The following CNTN4 variants were observed in gnomAD, a reference collection of about 807,000 sequenced individuals.
The protein encoded by CNTN4 is contactin-4.
In CNTN4, 77 loss-of-function variants were observed where a neutral mutation model predicts 122.5. That is an observed-to-expected ratio of 0.63 (90% CI 0.52 to 0.76). The LOEUF (loss-of-function observed/expected upper bound fraction) is 0.76. CNTN4 is among the 30% of genes least tolerant of loss of function. CNTN4 has a pLI of 0.00. For missense variants in CNTN4, 1,256 were observed against 1,259.1 expected (o/e 1.00, Z 0.04); for synonymous variants, 512 against 447.0 (o/e 1.15, Z -1.83).
chr3:2,159,265 AAAT>A (rs1360685764), intron 2 of CNTN4, among the ~76,000 whole-genome samples: 2 of 152,232 alleles, frequency 1.3e-5, no homozygotes, highest in African/African-American at 2.4e-5. Context: ...TTGTAAAAGA[AAAT>A]AATAAGCCCC....
Position 2,955,441 on chromosome 3 carries a change from G to T in CNTN4, c.1358+29662G>T, listed in dbSNP as rs138499113. On this transcript the variant is annotated intron_variant, in intron 13 of 24. Transcript: ENST00000418658. ...ACCATGTTGACTCTGTTCTCAGACA[G>T]GTGTCATCCTCATTACCACAAAATG... 3.2e-3 allele frequency among the ~76,000 whole-genome samples: 481 copies of T among 152,226 alleles called. 4 individuals are homozygous for T. Among genetic ancestry groups the T allele is most frequent in the African/African-American group, 0.01 (419 of 41,524 alleles).
At position 2,742,254 on chromosome 3, in the gene CNTN4, C is replaced by G. The variant is rs535849098; in HGVS notation, c.183-3268C>G. ...TTTGTGTTTATTCCCTCAACTGAGC[C>G]TTCTCTTTTCATTGTTTCCTGCCCC... On this transcript the variant is annotated intron_variant, in intron 5 of 24. Transcript: ENST00000418658. Among the ~76,000 whole-genome samples the G allele has an allele frequency of 4.1e-4, 63 of 152,308 alleles. 2 individuals are homozygous for G. The South Asian group carries it at 0.013, about 31-fold the overall frequency.
intron 6 of CNTN4, among the ~76,000 whole-genome samples, chr3:2,776,166 A>C (rs1045848054): frequency 2.0e-5 from 3 of 152,048 alleles, no homozygotes; most frequent in African/African-American, 7.2e-5. Flanking sequence ...GGGAGATTTG[A>C]GGGCCCCTCT....
intron 2 of CNTN4, among the ~76,000 whole-genome samples, chr3:2,319,348 T>A (rs1006677449): frequency 2.6e-5 from 4 of 152,158 alleles, no homozygotes; most frequent in African/African-American, 9.7e-5. Context: ...ATTTTTAAAA[T>A]CTGAAAGCCA....
At chr3:3,013,467 C>T (rs1316960252) in intron 14 of CNTN4, among the ~76,000 whole-genome samples, 1 of 152,078 alleles carries the variant, frequency 6.6e-6, no homozygotes, top group African/African-American at 2.4e-5. Context: ...GGCTGATTTC[C>T]AGTGAACGGA....
At chr3:2,313,543 C>G (rs1402021362) in intron 2 of CNTN4, among the ~76,000 whole-genome samples, 2 of 151,908 alleles carry the variant, frequency 1.3e-5, no homozygotes, top group African/African-American at 4.8e-5. Context: ...TACCAAGCAG[C>G]ATAATTTTAA....
chr3:2,935,094 A>T (rs1454081281), intron 13 of CNTN4, among the ~76,000 whole-genome samples: 1 of 152,210 alleles, frequency 6.6e-6, no homozygotes, highest in Non-Finnish European at 1.5e-5. Context: ...GGGAGACCCC[A>T]TAAACTTACC....
At chr3:2,729,998 G>C (rs1357731068) in intron 4 of CNTN4, among the ~76,000 whole-genome samples, 1 of 152,164 alleles carries the variant, frequency 6.6e-6, no homozygotes, top group Non-Finnish European at 1.5e-5. Flanking sequence ...CTGATAATTA[G>C]AATCCAGTAG....
chr3:2,474,089 G>C (rs1262065455), intron 3 of CNTN4, among the ~76,000 whole-genome samples: 1 of 151,456 alleles, frequency 6.6e-6, no homozygotes, highest in African/African-American at 2.4e-5. Context: ...TTCTGGGACT[G>C]TCTGCCGGGG....
At chr3:2,570,874 A>G (rs1559249974) in intron 3 of CNTN4, among the ~76,000 whole-genome samples, 2 of 152,180 alleles carry the variant, frequency 1.3e-5, no homozygotes, top group Non-Finnish European at 2.9e-5. Flanking sequence ...CTCATTAGAC[A>G]CTGGAGCTGC....
rs139410836 is a variant in CNTN4 at position 2,139,970 on chromosome 3, G to A, written c.-145+39331G>A. ...TGTCATGGGGGGCACCCAGTGGGAG[G>A]TGATTGAATCATGGACACAGGTCTT... is the stretch of plus-strand genomic sequence containing the variant. On this transcript the variant is annotated intron_variant, in intron 2 of 24. Coordinates refer to ENST00000418658, the MANE Select transcript of CNTN4 (RefSeq NM_175607.3). Among the ~76,000 whole-genome samples the A allele has an allele frequency of 6.6e-5, 10 of 152,322 alleles. No homozygotes were observed. In the East Asian group the frequency reaches 1.9e-3, roughly 29 times the overall value.
At chr3:2,365,251 T>G (rs2045328618) in intron 3 of CNTN4, among the ~76,000 whole-genome samples, 1 of 152,156 alleles carries the variant, frequency 6.6e-6, no homozygotes, top group Non-Finnish European at 1.5e-5. Flanking sequence ...CTGCACTCCC[T>G]GCGTAGTTCC....
At chr3:3,028,969 C>T (rs1009410503) in intron 15 of CNTN4, among the ~76,000 whole-genome samples, 1 of 152,054 alleles carries the variant, frequency 6.6e-6, no homozygotes, top group Admixed American at 6.6e-5. Context: ...GGGCTGACTG[C>T]AGGACTTGAG....
At chr3:2,569,334 C>G (rs915113624) in intron 3 of CNTN4, among the ~76,000 whole-genome samples, 1 of 152,144 alleles carries the variant, frequency 6.6e-6, no homozygotes, top group Non-Finnish European at 1.5e-5. Flanking sequence ...TATTAAGTAG[C>G]TTGTGTTGGC....
At chr3:2,809,599 C>T (rs1030100100) in intron 6 of CNTN4, among the ~76,000 whole-genome samples, 4 of 152,026 alleles carry the variant, frequency 2.6e-5, no homozygotes, top group Non-Finnish European at 5.9e-5. Flanking sequence ...AAGTATGAAA[C>T]CAAAGATAAA....
intron 3 of CNTN4, among the ~76,000 whole-genome samples, chr3:2,497,100 C>A (rs1396373401): frequency 6.6e-6 from 1 of 152,160 alleles, no homozygotes; most frequent in Non-Finnish European, 1.5e-5. Context: ...CAGAGACACC[C>A]AAAAATGTTT....
chr3:2,300,064 G>T (rs552890552), intron 2 of CNTN4, among the ~76,000 whole-genome samples: 5 of 152,236 alleles, frequency 3.3e-5, no homozygotes, highest in African/African-American at 9.6e-5. Flanking sequence ...TGAAGATAAT[G>T]AAGTGATTTG....
At chr3:2,115,062 C>T (rs1430463891) in intron 2 of CNTN4, among the ~76,000 whole-genome samples, 4 of 152,206 alleles carry the variant, frequency 2.6e-5, no homozygotes, top group Non-Finnish European at 5.9e-5. Context: ...CCTCAGCCCA[C>T]CCTCCTAATA....
At chr3:2,879,150 G>A (rs185897641) in intron 8 of CNTN4, among the ~76,000 whole-genome samples, 105 of 152,282 alleles carry the variant, frequency 6.9e-4, no homozygotes, top group African/African-American at 2.5e-3. Context: ...ATGGGCCATA[G>A]ATCCAATATG....
Sources: allele counts gnomAD v4.1 joint callset (sites outside exome capture counted in the v4.1 genomes callset), GRCh38; gene constraint gnomAD v4.1.1; transcripts MANE v1.5; gene names NCBI Gene and HGNC (gene_info 2026-07-23, HGNC 2026-07-21).